Variants in PHTF2 observed in about 807,000 individuals in gnomAD.
The protein encoded by PHTF2 is protein PHTF2.
Under a neutral mutation model 101.2 loss-of-function variants are expected in PHTF2, and 60 were observed. The observed-to-expected ratio is 0.59, with a 90% confidence interval of 0.48 to 0.73. The LOEUF (loss-of-function observed/expected upper bound fraction) is 0.73. Among genes scored for constraint, PHTF2 ranks in the 30% least tolerant of loss-of-function variants. The probability of loss-of-function intolerance (pLI) is 0.00; values close to 1 mark genes in which losing one functional copy is unlikely to be tolerated. For synonymous variants in PHTF2, 311 were observed against 307.3 expected, an observed-to-expected ratio of 1.01 and a Z score of -0.13; for missense variants, 747 against 908.7, an observed-to-expected ratio of 0.82 and a Z score of 2.29.
At chr7:77,843,315 T>C (rs1196605260) in intron 2 of PHTF2, among the ~76,000 whole-genome samples, 3 of 152,348 alleles carry the variant, frequency 2.0e-5, no homozygotes, top group Non-Finnish European at 4.4e-5. Context: ...TTACGAATTC[T>C]TTTTCTAAGT....
chr7:77,860,655 A>AC (rs1177945195), intron 3 of PHTF2, among the ~76,000 whole-genome samples: 1 of 152,168 alleles, frequency 6.6e-6, no homozygotes, highest in Non-Finnish European at 1.5e-5. Context: ...CCTTCTGTTC[A>AC]CTTTTGCTAA....
intron 1 of PHTF2, among the ~76,000 whole-genome samples, chr7:77,831,871 A>G (rs1177647350): frequency 3.9e-5 from 6 of 152,186 alleles, no homozygotes; most frequent in African/African-American, 9.7e-5. Context: ...TGTGATTAAA[A>G]TTATCCACAT....
At chr7:77,928,877 GTATGCAAAGTAA>G (rs1268288539) in intron 11 of PHTF2, among the ~76,000 whole-genome samples, 1 of 152,194 alleles carries the variant, frequency 6.6e-6, no homozygotes, top group Non-Finnish European at 1.5e-5. Flanking sequence ...TACAACCTTT[GTATGCAAAGTAA>G]TATCTGAGCT....
intron 7 of PHTF2, chr7:77,906,437 AAGAG>A (rs1801867666): frequency 2.6e-5 from 4 of 152,284 alleles, no homozygotes; most frequent in African/African-American, 9.6e-5. Context: ...AAGAAGGAAA[AAGAG>A]AGGAAGAAAG....
At chr7:77,921,633 G>A (rs749754356) in intron 10 of PHTF2, among the ~76,000 whole-genome samples, 1 of 152,122 alleles carries the variant, frequency 6.6e-6, no homozygotes, top group African/African-American at 2.4e-5. Flanking sequence ...TCAGCATTTA[G>A]CTCTGATAAT....
chr7:77,822,072 G>A (rs879414187), intron 1 of PHTF2, among the ~76,000 whole-genome samples: 4 of 152,218 alleles, frequency 2.6e-5, no homozygotes, highest in Non-Finnish European at 2.9e-5. Context: ...GCTTAGAGAC[G>A]TGGGGGGCAC....
exon 8 of PHTF2, chr7:77,908,862 C>T (rs746439940): frequency 1.2e-6 from 2 of 1,612,320 alleles, no homozygotes; most frequent in Admixed American, 1.7e-5. Context: ...GTGATTGGGC[C>T]GATATGGCTG....
chr7:77,926,270 G>A (rs890182028), intron 11 of PHTF2, among the ~76,000 whole-genome samples: 3 of 152,172 alleles, frequency 2.0e-5, no homozygotes, highest in African/African-American at 2.4e-5. Context: ...AAAGCTTAAT[G>A]TGTTCTGTGC....
chr7:77,876,215 C>T (rs1798932154), intron 3 of PHTF2, among the ~76,000 whole-genome samples: 1 of 152,200 alleles, frequency 6.6e-6, no homozygotes, highest in African/African-American at 2.4e-5. Context: ...AATTTGTCAT[C>T]TGTGTCTCAT....
chr7:77,936,308 G>A (rs970178118), intron 12 of PHTF2, among the ~76,000 whole-genome samples: 5 of 152,086 alleles, frequency 3.3e-5, no homozygotes, highest in Admixed American at 6.5e-5. Context: ...TCTGTTCATT[G>A]TTAGAAGTTA....
chr7:77,874,703 A>T (rs1798789508), intron 3 of PHTF2, among the ~76,000 whole-genome samples: 1 of 152,154 alleles, frequency 6.6e-6, no homozygotes, highest in Non-Finnish European at 1.5e-5. Context: ...CTCAAATGTT[A>T]ATCTCCTTTG....
chr7:77,952,131 T>C (rs1806601924), intron 18 of PHTF2, among the ~76,000 whole-genome samples: 1 of 152,112 alleles, frequency 6.6e-6, no homozygotes, highest in African/African-American at 2.4e-5. Context: ...GTGTCATAAA[T>C]AAACATTTAA....
chr7:77,927,876 T>C (rs746797113), intron 11 of PHTF2, among the ~76,000 whole-genome samples: 1 of 152,158 alleles, frequency 6.6e-6, no homozygotes, highest in Non-Finnish European at 1.5e-5. Context: ...CGGTATGTAG[T>C]GGAAGACAAG....
chr7:77,875,836 C>T (rs1022823044), intron 3 of PHTF2, among the ~76,000 whole-genome samples: 7 of 152,070 alleles, frequency 4.6e-5, no homozygotes, highest in African/African-American at 1.4e-4. Flanking sequence ...GGATTACAGG[C>T]GTGAGAAACC....
At chr7:77,901,627 G>A in intron 6 of PHTF2, 135 bp from the exon 6 acceptor site, 1 of 413,362 alleles carries the variant, frequency 2.4e-6, no homozygotes, top group East Asian at 3.7e-5. Context: ...TCTATAAATT[G>A]GACATTTCTC....
At chr7:77,861,424 A>T (rs945984586) in intron 3 of PHTF2, among the ~76,000 whole-genome samples, 2 of 152,062 alleles carry the variant, frequency 1.3e-5, no homozygotes, top group Non-Finnish European at 2.9e-5. Context: ...ATTTTTTTTT[A>T]AATGATCAAA....
chr7:77,818,357 C>T (rs1312256715), intron 1 of PHTF2, among the ~76,000 whole-genome samples: 3 of 152,088 alleles, frequency 2.0e-5, no homozygotes, highest in African/African-American at 7.2e-5. Context: ...TGAAGCATTT[C>T]TGCTGTTTTC....
At chr7:77,868,571 A>G (rs1428586338) in intron 3 of PHTF2, among the ~76,000 whole-genome samples, 2 of 152,186 alleles carry the variant, frequency 1.3e-5, no homozygotes, top group African/African-American at 4.8e-5. Context: ...CAAAGAATGG[A>G]TATACCTGAA....
chr7:77,910,037 G>A (rs960451372), intron 8 of PHTF2: 1 of 431,168 alleles, frequency 2.3e-6, no homozygotes, highest in Non-Finnish European at 4.1e-6. Flanking sequence ...GCCACTATAA[G>A]CAAGGACCAA....
Sources: allele counts gnomAD v4.1 joint callset (sites outside exome capture counted in the v4.1 genomes callset), GRCh38; gene constraint gnomAD v4.1.1; transcripts MANE v1.5; gene names NCBI Gene and HGNC (gene_info 2026-07-23, HGNC 2026-07-21).